Variants in ANKHD1 observed in about 807,000 individuals in gnomAD.
ANKHD1 encodes the protein ankyrin repeat and KH domain containing 1.
ANKHD1 carries 31 observed loss-of-function variants against 230.5 expected under a neutral mutation model. The ratio of observed to expected loss-of-function variants is 0.13; its 90% CI spans 0.10 to 0.18. The LOEUF is 0.18. Ranked by LOEUF, ANKHD1 falls within the 10% of genes least tolerant of loss-of-function variation. The probability of loss-of-function intolerance (pLI) is 1.00; values close to 1 mark genes in which losing one functional copy is unlikely to be tolerated. For synonymous variants in ANKHD1, 1,074 were observed against 1,117.6 expected (o/e 0.96, Z 0.78); for missense variants, 2,256 against 3,071.3 (o/e 0.73, Z 6.27).
Position 140,402,055 on chromosome 5 carries a change from G to A in ANKHD1, c.88G>A (p.Glu30Lys). ...APRSAPAGAS[E>K]PPPPGGVGLG... ...GCGATCCGCCCCAGCTGGGGCCTCG[G>A]AGCCGCCTCCGCCGGGAGGGGTCGG... The change falls in exon 1 of 34, where the codon GAG becomes AAG. Residue 30 changes from glutamate (E) to lysine (K), a missense_variant. Around this residue, in one of 13 missense-constraint regions of ANKHD1, gnomAD observed 193 missense variants for 185.8 expected, o/e 1.04. Coordinates refer to ENST00000360839, the MANE Select transcript of ANKHD1 (RefSeq NM_017747.3). 1 of 1,491,446 alleles carries A rather than the reference G, an allele frequency of 6.7e-7. No individual in the cohort carries two copies. The allele number at this position is 1,491,446 out of a possible 1,614,324, so 92.4% of individuals were successfully genotyped here.
chr5:140,406,681 C>T lies in ANKHD1; in HGVS notation c.306+4408C>T, dbSNP rs1202397769. ...TGCCTCAGTAGTGAGATTACAAGTGCGTGCCACCATGCCTGGCTAATTTTT... is the reference window on the plus strand; with the variant it reads ...TGCCTCAGTAGTGAGATTACAAGTGTGTGCCACCATGCCTGGCTAATTTTT... On this transcript the variant is annotated intron_variant, in intron 1 of 33. Coordinates refer to ENST00000360839, the MANE Select transcript of ANKHD1 (RefSeq NM_017747.3). Among the ~76,000 whole-genome samples, 6 of 151,638 alleles carry T rather than the reference C, an allele frequency of 4.0e-5. No individual in the cohort carries two copies. In the East Asian group the frequency reaches 5.9e-4, roughly 15 times the overall value.
intron 13 of ANKHD1, chr5:140,486,020 T>TA (rs1751485815): frequency 6.4e-6 from 2 of 313,870 alleles, no homozygotes; most frequent in Non-Finnish European, 1.1e-5. Context: ...CAGGGTTTTT[T>TA]ATTTGTTTTT....
intron 1 of ANKHD1, among the ~76,000 whole-genome samples, chr5:140,409,654 G>C (rs764231567): frequency 1.3e-5 from 2 of 151,464 alleles, no homozygotes; most frequent in Non-Finnish European, 2.9e-5. Context: ...CTGGGTTCAA[G>C]TGATTCTCCT....
intron 6 of ANKHD1, among the ~76,000 whole-genome samples, chr5:140,447,819 G>A (rs1774409879): frequency 6.6e-6 from 1 of 152,212 alleles, no homozygotes; most frequent in Non-Finnish European, 1.5e-5. Context: ...AATATAAGGA[G>A]TGCCTCTCAA....
intron 10 of ANKHD1, among the ~76,000 whole-genome samples, chr5:140,471,646 A>G (rs1459613559): frequency 2.0e-5 from 3 of 152,196 alleles, no homozygotes; most frequent in Non-Finnish European, 4.4e-5. Flanking sequence ...GACTCTGGTC[A>G]ATGACTGAAA....
intron 9 of ANKHD1, among the ~76,000 whole-genome samples, chr5:140,460,761 T>A (rs1346413995): frequency 6.6e-6 from 1 of 152,166 alleles, no homozygotes. Flanking sequence ...GCTCAAGCAA[T>A]CCTTCTGCCC....
intron 14 of ANKHD1, among the ~76,000 whole-genome samples, chr5:140,493,810 G>A (rs1052149284): frequency 2.0e-5 from 3 of 152,046 alleles, no homozygotes; most frequent in Admixed American, 6.6e-5. Context: ...TGTGTTCCAC[G>A]CTTCTTGCAT....
At chr5:140,539,280 C>A in intron 33 of ANKHD1, 79 bp from the exon 34 acceptor site, 1 of 1,598,986 alleles carries the variant, frequency 6.3e-7, no homozygotes, top group Non-Finnish European at 8.5e-7. Context: ...CAGTGAATTG[C>A]CATTGCATTT....
chr5:140,513,072 G>A (rs891021669), intron 23 of ANKHD1, 149 bp downstream of exon 23: 2 of 756,320 alleles, frequency 2.6e-6, no homozygotes, highest in South Asian at 2.1e-5. Context: ...AAAATAGAGG[G>A]GTATAATACT....
chr5:140,472,765 AT>A (rs1776577336), intron 10 of ANKHD1, among the ~76,000 whole-genome samples: 1 of 152,176 alleles, frequency 6.6e-6, no homozygotes, highest in South Asian at 2.1e-4. Context: ...CCTAATTTCT[AT>A]AAACTAGAAG....
intron 14 of ANKHD1, among the ~76,000 whole-genome samples, chr5:140,490,980 C>T (rs1012634619): frequency 6.7e-6 from 1 of 150,362 alleles, no homozygotes; most frequent in Non-Finnish European, 1.5e-5. Context: ...CTTTCCATTC[C>T]CCTGCTTCCC....
intron 22 of ANKHD1, 125 bp downstream of exon 22, chr5:140,510,306 A>ATTTT: frequency 1.2e-6 from 1 of 864,504 alleles, no homozygotes; most frequent in East Asian, 3.8e-5. Flanking sequence ...CTATCTTTCC[A>ATTTT]TTCTTTTTTT....
chr5:140,404,847 A>T (rs888784867), intron 1 of ANKHD1, among the ~76,000 whole-genome samples: 1 of 151,590 alleles, frequency 6.6e-6, no homozygotes, highest in African/African-American at 2.4e-5. Context: ...GGCACACGCT[A>T]CTGTGCCTGG....
chr5:140,497,304 A>G (rs1438595797), intron 15 of ANKHD1, 26 bp downstream of exon 15: 2 of 1,570,062 alleles, frequency 1.3e-6, no homozygotes, highest in Admixed American at 3.6e-5. Context: ...TATCTGTAAT[A>G]ATTTCTCTTT....
At chr5:140,429,931 G>A (rs1226125286) in intron 1 of ANKHD1, among the ~76,000 whole-genome samples, 4 of 152,180 alleles carry the variant, frequency 2.6e-5, no homozygotes, top group African/African-American at 9.7e-5. Context: ...GTGACTGACT[G>A]TTCTTTTAGG....
chr5:140,536,275 G>A (rs1754068358), intron 30 of ANKHD1, among the ~76,000 whole-genome samples: 1 of 152,140 alleles, frequency 6.6e-6, no homozygotes, highest in Admixed American at 6.5e-5. Context: ...TATATGTTTA[G>A]TAGAGACAGG....
intron 31 of ANKHD1, 104 bp downstream of exon 31, chr5:140,537,693 C>T: frequency 7.0e-7 from 1 of 1,424,462 alleles, no homozygotes; most frequent in Non-Finnish European, 9.2e-7. Context: ...AAACTTAGTT[C>T]CTATGTTTAA....
chr5:140,521,050 T>G (rs1386704409), intron 24 of ANKHD1, among the ~76,000 whole-genome samples: 2 of 151,892 alleles, frequency 1.3e-5, no homozygotes, highest in African/African-American at 4.8e-5. Context: ...AAAATGACAG[T>G]GTTGATATAC....
chr5:140,475,944 T>C (rs1750942550), intron 10 of ANKHD1, among the ~76,000 whole-genome samples: 1 of 152,188 alleles, frequency 6.6e-6, no homozygotes, highest in Non-Finnish European at 1.5e-5. Context: ...TCAAGGAAAT[T>C]GAAATAAACT....
Sources: gnomAD v4.1 joint callset for allele counts (sites outside exome capture counted in the v4.1 genomes callset) on GRCh38, gnomAD v4.1.1 for gene constraint, gnomAD v4.1.1 regional missense constraint, MANE v1.5 for transcripts, NCBI Gene and HGNC (gene_info 2026-07-23, HGNC 2026-07-21) for gene names.